The following BRSK2 variants were observed in gnomAD, a reference collection of about 807,000 sequenced individuals.
The protein encoded by BRSK2 is BR serine/threonine kinase 2.
A neutral mutation model predicts 83.3 loss-of-function variants in BRSK2; 19 were observed. The ratio of observed to expected loss-of-function variants is 0.23; its 90% CI spans 0.16 to 0.33. The LOEUF (loss-of-function observed/expected upper bound fraction) is 0.33, where lower values mean the gene tolerates loss of function less well. BRSK2 is among the 10% of genes least tolerant of loss of function. BRSK2 has a pLI of 1.00. For synonymous variants in BRSK2, 519 were observed against 435.4 expected, an observed-to-expected ratio of 1.19 and a Z score of -2.39; for missense variants, 798 against 1,042.3, an observed-to-expected ratio of 0.77 and a Z score of 3.23.
At chr11:1,447,716 G>C (rs759230561) in intron 12 of BRSK2, 210 of 1,325,570 alleles carry the variant, frequency 1.6e-4, no homozygotes, top group Non-Finnish European at 1.9e-4. Flanking sequence ...GTTCTTACCC[G>C]GTGTGGCCCG....
intron 12 of BRSK2, among the ~76,000 whole-genome samples, chr11:1,448,744 G>A (rs1015457218): frequency 9.2e-5 from 14 of 152,228 alleles, no homozygotes; most frequent in Non-Finnish European, 2.9e-5. Flanking sequence ...GCTGGGTTGT[G>A]CATGGGGTCC....
At chr11:1,428,328 C>T (rs1012768211) in intron 1 of BRSK2, among the ~76,000 whole-genome samples, 7 of 152,198 alleles carry the variant, frequency 4.6e-5, no homozygotes, top group East Asian at 1.9e-4. Flanking sequence ...TCTATGGATG[C>T]GGCAGGCCCA....
intron 1 of BRSK2, among the ~76,000 whole-genome samples, chr11:1,394,993 G>A (rs889246013): frequency 4.6e-5 from 7 of 151,898 alleles, no homozygotes; most frequent in African/African-American, 1.5e-4. Flanking sequence ...GGGTCCTGGA[G>A]ATGGGCCCCT....
In BRSK2 at chr11:1,443,618, G is replaced by T; in HGVS notation, c.763G>T (p.Ala255Ser). ...GCTACGGGGCATGATCGAGGTGGAC[G>T]CCGCACGCCGCCTCACGGTGCGTGC... is the stretch of plus-strand genomic sequence containing the variant. ...SLLRGMIEVD[A>S]ARRLTLEHIQ... Residue 255 changes from alanine to serine, a missense_variant, in exon 8 of 20, where the codon GCC (alanine) becomes TCC (serine). Coordinates refer to ENST00000528841, the MANE Select transcript of BRSK2 (RefSeq NM_001256627.2). 1 of 1,601,304 alleles carries T rather than the reference G, an allele frequency of 6.2e-7. No individual in the cohort carries two copies. Among genetic ancestry groups the T allele is most frequent in the Non-Finnish European group, 8.5e-7 (1 of 1,174,098 alleles).
rs201807099 is a variant in BRSK2 at position 1,456,585 on chromosome 11, C to T, written c.1850-13C>T. The stretch of plus-strand genomic sequence containing the variant: ...CCAGGCCCGTCCAGGGCATAACCCC[C>T]TGTCTCCCCTAGGCCCCAGCCGTCG... On this transcript the variant is annotated splice_polypyrimidine_tract_variant and intron_variant, in intron 17 of 19. Transcript: ENST00000528841. The T allele has an allele frequency of 2.7e-3, 4,273 of 1,609,024 alleles. 12 individuals carry two copies. Among genetic ancestry groups the T allele is most frequent in the South Asian group, 4.4e-3 (395 of 90,360 alleles).
intron 16 of BRSK2, among the ~76,000 whole-genome samples, chr11:1,455,527 C>T (rs1846401540): frequency 6.6e-6 from 1 of 152,114 alleles, no homozygotes; most frequent in South Asian, 2.1e-4. Context: ...AGCTGAGCTT[C>T]CCTTACGCTG....
At chr11:1,435,661 C>T (rs188480812) in intron 1 of BRSK2, among the ~76,000 whole-genome samples, 2 of 148,736 alleles carry the variant, frequency 1.3e-5, no homozygotes, top group African/African-American at 2.5e-5. Context: ...GTGGGGGTCT[C>T]GGCAGGGTGT....
intron 1 of BRSK2, among the ~76,000 whole-genome samples, chr11:1,427,688 G>A (rs377078711): frequency 6.6e-6 from 1 of 152,240 alleles, no homozygotes; most frequent in African/African-American, 2.4e-5. Context: ...CCTCTCGACA[G>A]CCAAGCCTGT....
At position 1,438,981 on chromosome 11, in the gene BRSK2, G is replaced by A. The variant is rs532161044; in HGVS notation, c.272+590G>A. Among the ~76,000 whole-genome samples, 371 of 152,218 alleles carry A rather than the reference G, an allele frequency of 2.4e-3. 2 individuals carry two copies. The highest frequency in any genetic ancestry group is 8.6e-3 in the African/African-American group (359 of 41,510). On this transcript the variant is annotated intron_variant, in intron 3 of 19. Coordinates refer to ENST00000528841, the MANE Select transcript of BRSK2 (RefSeq NM_001256627.2). The surrounding 1 kb of genome is among the most constrained non-coding windows in gnomAD (Gnocchi z 6.4). ...GGGAGCTCCTGGGAATGGGCACAGT[G>A]GTCACTCACGGCAGTCTCCTCTGTG...
At chr11:1,419,423 G>A (rs1174408564) in intron 1 of BRSK2, among the ~76,000 whole-genome samples, 1 of 152,216 alleles carries the variant, frequency 6.6e-6, no homozygotes, top group African/African-American at 2.4e-5. Flanking sequence ...ATGTCTTTCT[G>A]TTATCTTGTT....
intron 1 of BRSK2, among the ~76,000 whole-genome samples, chr11:1,434,732 T>C (rs1452369804): frequency 1.3e-5 from 2 of 152,114 alleles, no homozygotes; most frequent in Admixed American, 1.3e-4. Flanking sequence ...GGGCCGGCTC[T>C]GGGTGTCTGG....
chr11:1,446,280 G>T (rs1852101539), intron 12 of BRSK2, among the ~76,000 whole-genome samples: 1 of 150,444 alleles, frequency 6.6e-6, no homozygotes, highest in South Asian at 2.1e-4. Context: ...AGGGTGGGCG[G>T]GGCTGGGCTG....
At chr11:1,407,832 G>A (rs1283500160) in intron 1 of BRSK2, among the ~76,000 whole-genome samples, 3 of 152,260 alleles carry the variant, frequency 2.0e-5, no homozygotes, top group East Asian at 1.9e-4. Flanking sequence ...TTCCCAGAGT[G>A]TGGGGCGGGC....
At chr11:1,459,168 T>TC (rs776787430) in intron 18 of BRSK2, 24 bp from the exon 19 acceptor site, 29 of 1,608,524 alleles carry the variant, frequency 1.8e-5, no homozygotes, top group African/African-American at 4.1e-5. Context: ...ACTCCCTCCC[T>TC]CCTCTCTCCA....
chr11:1,420,058 C>G (rs1590405894), intron 1 of BRSK2, among the ~76,000 whole-genome samples: 1 of 152,256 alleles, frequency 6.6e-6, no homozygotes, highest in Non-Finnish European at 1.5e-5. Context: ...AGAGCCTCCT[C>G]TTTCTTGGAT....
At chr11:1,442,792 C>T (rs1851524525) in intron 5 of BRSK2, among the ~76,000 whole-genome samples, 186 bp downstream of exon 5, 2 of 152,050 alleles carry the variant, frequency 1.3e-5, no homozygotes, top group South Asian at 2.1e-4. Context: ...GGCCTCCCGG[C>T]ACAGTAAGGG....
rs115688325 is a variant in BRSK2 at position 1,436,378 on chromosome 11, A to G, written c.186+244A>G. The stretch of plus-strand genomic sequence containing the variant: ...GCAGAGTGGGCACCCCTGAGGGGAC[A>G]GGCTGCAGCTGGGCAGTTCAGTTGC... On this transcript the variant is annotated intron_variant, in intron 2 of 19. Coordinates refer to ENST00000528841, the MANE Select transcript of BRSK2 (RefSeq NM_001256627.2). Among the ~76,000 whole-genome samples, 1,138 of 152,240 alleles carry G rather than the reference A, an allele frequency of 7.5e-3. 13 individuals carry two copies. Among genetic ancestry groups the G allele is most frequent in the African/African-American group, 0.026 (1,080 of 41,568 alleles).
chr11:1,399,894 C>G (rs1430039846), intron 1 of BRSK2, among the ~76,000 whole-genome samples: 1 of 69,962 alleles, frequency 1.4e-5, no homozygotes, highest in East Asian at 2.3e-4. Context: ...GCTCCGGGTC[C>G]TGGTGTTTTC....
chr11:1,433,255 C>T lies in BRSK2; in HGVS notation c.92-2785C>T, dbSNP rs1169885455. ...TGAAAATGCAGAGCCACCAGGGCTT[C>T]GCCACCTACCCTGGGAATGCTGTCC... On this transcript the variant is annotated intron_variant, in intron 1 of 19. Coordinates refer to ENST00000528841, the MANE Select transcript of BRSK2 (RefSeq NM_001256627.2). 4.6e-5 allele frequency among the ~76,000 whole-genome samples: 7 copies of T among 152,370 alleles called. No individual in the cohort carries two copies. The South Asian group carries it at 8.3e-4, about 18-fold the overall frequency.
Sources: gnomAD v4.1 joint callset for allele counts (sites outside exome capture counted in the v4.1 genomes callset) on GRCh38, gnomAD v4.1.1 for gene constraint, Gnocchi (gnomAD v3.1) non-coding constraint, MANE v1.5 for transcripts, NCBI Gene and HGNC (gene_info 2026-07-23, HGNC 2026-07-21) for gene names.